SETX: variants seen among roughly 807,000 people sequenced by gnomAD.
SETX encodes the protein helicase senataxin.
Under a neutral mutation model 227.2 loss-of-function variants are expected in SETX, and 90 were observed. The ratio of observed to expected loss-of-function variants is 0.40; its 90% CI spans 0.33 to 0.47. SETX has a LOEUF of 0.47. SETX is among the 20% of genes least tolerant of loss of function. The probability of loss-of-function intolerance (pLI) is 0.91; values close to 1 mark genes in which losing one functional copy is unlikely to be tolerated. For synonymous variants in SETX, 1,210 were observed against 1,113.2 expected, an observed-to-expected ratio of 1.09 and a Z score of -1.73; for missense variants, 3,052 against 3,181.5, an observed-to-expected ratio of 0.96 and a Z score of 0.98.
rs1255555817 is a variant in SETX, at chr9:132,327,974, G to A, written c.3624C>T (p.Pro1208=). 6.2e-7 allele frequency: 1 copy of A among 1,613,860 alleles called. No individual in the cohort carries two copies. Among genetic ancestry groups the A allele is most frequent in the African/African-American group, 1.3e-5 (1 of 74,976 alleles). Residue 1208 remains proline, a synonymous_variant, in exon 10 of 26, where the codon CCC becomes CCT. Coordinates refer to ENST00000224140, the MANE Select transcript of SETX (RefSeq NM_015046.7). The part of the protein sequence containing the change: ...FKSIDRRTST[P]NSRIQRATTV... ...TAGTGGCTCTCTGAATACGTGAATTGGGAGTTGAAGTCCTTCTATCAATAC... is the reference window on the plus strand; with the variant it reads ...TAGTGGCTCTCTGAATACGTGAATTAGGAGTTGAAGTCCTTCTATCAATAC...
At chr9:132,325,934 A>G (rs1846716753) in intron 10 of SETX, among the ~76,000 whole-genome samples, 1 of 113,402 alleles carries the variant, frequency 8.8e-6, no homozygotes, top group South Asian at 3.1e-4. Context: ...ACTCCACCTA[A>G]AAAAAAAAAA....
intron 10 of SETX, among the ~76,000 whole-genome samples, chr9:132,318,327 T>C (rs1846116466): frequency 6.6e-6 from 1 of 152,212 alleles, no homozygotes; most frequent in South Asian, 2.1e-4. Context: ...TAATTTTGCT[T>C]TACCTGCTCC....
chr9:132,265,463 G>A (rs1842598868), intron 25 of SETX, among the ~76,000 whole-genome samples: 1 of 152,002 alleles, frequency 6.6e-6, no homozygotes, highest in Non-Finnish European at 1.5e-5. Context: ...CTGACCTCAT[G>A]ATCCGCCCGC....
chr9:132,278,153 C>T lies in SETX; in HGVS notation c.6759G>A (p.Gln2253=). The T allele has an allele frequency of 6.2e-7, 1 of 1,614,150 alleles. No individual in the cohort carries two copies. The highest frequency in any genetic ancestry group is 1.1e-5 in the South Asian group (1 of 91,082). The change falls in exon 21 of 26, where the codon CAG becomes CAA. Residue 2253 remains glutamine, a synonymous_variant. Transcript: ENST00000224140. ...HNMISRLPIL[Q]LTVQYRMHPD... ...GATGCATCCTGTACTGAACAGTGAG[C>T]TGTAGAATGGGCAGCCTGCTGATCA... is the stretch of plus-strand genomic sequence containing the variant.
chr9:132,326,554 A>T lies in SETX; in HGVS notation c.5044T>A (p.Phe1682Ile). ...CKVPFGESKYFPSSSPVNILL... is the reference protein window; with the variant it reads ...CKVPFGESKYIPSSSPVNILL... ...ATGTTTACTGGAGAGGAAGATGGAA[A>T]ATATTTGCTTTCACCAAATGGAACT... Residue 1682 changes from phenylalanine to isoleucine, a missense_variant, in exon 10 of 26, where the codon TTT (phenylalanine) becomes ATT (isoleucine). Physicochemically the swap from Phe to Ile is conservative, Grantham distance 21. Transcript: ENST00000224140. The T allele has an allele frequency of 6.2e-7, 1 of 1,614,222 alleles. No individual in the cohort carries two copies. The highest frequency in any genetic ancestry group is 8.5e-7 in the Non-Finnish European group (1 of 1,180,042).
chr9:132,298,795 G>C (rs1003337963), intron 12 of SETX, among the ~76,000 whole-genome samples: 2 of 152,116 alleles, frequency 1.3e-5, no homozygotes, highest in African/African-American at 2.4e-5. Flanking sequence ...ATAGGGAGAA[G>C]AACGCTTAGC....
chr9:132,302,682 A>AAAC (rs1845080944), intron 11 of SETX, among the ~76,000 whole-genome samples: 1 of 62,606 alleles, frequency 1.6e-5, no homozygotes, highest in Non-Finnish European at 2.5e-5. Context: ...AAAAAAAAGC[A>AAAC]AAAAAAAAAA....
At chr9:132,271,618 T>G in intron 24 of SETX, 92 bp downstream of exon 24, 3 of 1,031,892 alleles carry the variant, frequency 2.9e-6, no homozygotes, top group Middle Eastern at 2.0e-4. Context: ...AAGCAAATGG[T>G]GTTCTCTAAC....
chr9:132,299,390 T>C (rs529262498), intron 12 of SETX, among the ~76,000 whole-genome samples: 1 of 146,858 alleles, frequency 6.8e-6, no homozygotes, highest in African/African-American at 2.5e-5. Flanking sequence ...GAACTATAAA[T>C]TTGGCAAAGG....
intron 7 of SETX, among the ~76,000 whole-genome samples, chr9:132,333,906 T>C (rs559466463): frequency 2.0e-5 from 3 of 152,316 alleles, no homozygotes; most frequent in East Asian, 1.9e-4. Flanking sequence ...TTAATTTTAA[T>C]TGACTTAAAT....
rs991200866 is a variant in SETX at position 132,326,836 on chromosome 9, C to T, written c.4762G>A (p.Ala1588Thr). 3 of 1,614,192 alleles carry T rather than the reference C, an allele frequency of 1.9e-6. No individual in the cohort carries two copies. Among genetic ancestry groups the T allele is most frequent in the East Asian group, 2.2e-5 (1 of 44,888 alleles). The change falls in exon 10 of 26, where the codon GCA (alanine) becomes ACA (threonine). Residue 1588 changes from alanine to threonine, a missense_variant. By Grantham distance (58) the Ala-to-Thr change is moderately conservative. This residue lies in a region of SETX where 1,483 missense variants were observed against 1,312.0 expected (regional missense o/e 1.13). Transcript: ENST00000224140. ...GTGGTAGGTCTCAAAGGTTTAGATG[C>T]AGGAGGAGGCAAGCCAGGTTTACGA... Reference protein sequence around the residue: ...VFRKPGLPPPASKPLRPTTKI... With the variant: ...VFRKPGLPPPTSKPLRPTTKI...
chr9:132,300,824 G>T, intron 11 of SETX, 21 bp from the exon 12 acceptor site: 1 of 1,601,624 alleles, frequency 6.2e-7, no homozygotes, highest in South Asian at 1.1e-5. Flanking sequence ...AGAAGAAGTC[G>T]GAATTCATAT....
intron 4 of SETX, among the ~76,000 whole-genome samples, chr9:132,343,317 C>T (rs1311000995): frequency 1.3e-5 from 2 of 152,080 alleles, no homozygotes; most frequent in Non-Finnish European, 2.9e-5. Context: ...AAAACTCCAT[C>T]TCAAAACAAC....
chr9:132,351,407 A>G (rs1417444971), intron 2 of SETX, among the ~76,000 whole-genome samples: 1 of 152,260 alleles, frequency 6.6e-6, no homozygotes, highest in Non-Finnish European at 1.5e-5. Flanking sequence ...CAAAGGAGAC[A>G]ACAAAAGAAA....
At chr9:132,286,337 A>T in intron 18 of SETX, 86 bp downstream of exon 18, 1 of 956,692 alleles carries the variant, frequency 1.0e-6, no homozygotes, top group South Asian at 1.4e-5. Flanking sequence ...AATAAATAAA[A>T]GCCCATAGCT....
In SETX at chr9:132,329,210, CTTT is replaced by C. The variant is rs755971927; in HGVS notation, c.2385_2387del (p.Ile795_Lys796delinsMet). The C allele has an allele frequency of 3.3e-5, 54 of 1,613,608 alleles. No homozygotes were observed. Among genetic ancestry groups the C allele is most frequent in the South Asian group, 2.2e-4 (20 of 91,060 alleles). On this transcript the variant is annotated inframe_deletion, in exon 10 of 26. Coordinates refer to ENST00000224140, the MANE Select transcript of SETX (RefSeq NM_015046.7). ...CCAAAGTACTCTTCCTGTGTTGCTT[CTTT>C]ATTACATGTGATAACTTTGCACAGA...
At chr9:132,282,049 G>A (rs1446420952) in intron 19 of SETX, among the ~76,000 whole-genome samples, 1 of 142,744 alleles carries the variant, frequency 7.0e-6, no homozygotes, top group Non-Finnish European at 1.5e-5. Flanking sequence ...GCAAGACTCC[G>A]TCTCAAAAAA....
In SETX at chr9:132,283,214, C is replaced by T. The variant is rs185813089; in HGVS notation, c.6546+50G>A. 4.4e-6 allele frequency: 7 copies of T among 1,604,596 alleles called. No individual in the cohort carries two copies. The East Asian group carries it at 1.6e-4, about 36-fold the overall frequency. Reference sequence around the variant, plus strand: ...TTCAGCAGCCACAATTCATCTAAGACTTACTCCTCATAGTAGTAGTCAAAG... The same window carrying T: ...TTCAGCAGCCACAATTCATCTAAGATTTACTCCTCATAGTAGTAGTCAAAG... On this transcript the variant is annotated intron_variant, in intron 19 of 25. Coordinates refer to ENST00000224140, the MANE Select transcript of SETX (RefSeq NM_015046.7).
At chr9:132,272,893 C>A (rs1171523338) in intron 23 of SETX, among the ~76,000 whole-genome samples, 1 of 152,074 alleles carries the variant, frequency 6.6e-6, no homozygotes, top group Non-Finnish European at 1.5e-5. Context: ...TGGCAGCGCT[C>A]CCCAAATTGA....
Sources: gnomAD v4.1 joint callset for allele counts (sites outside exome capture counted in the v4.1 genomes callset) on GRCh38, gnomAD v4.1.1 for gene constraint, gnomAD v4.1.1 regional missense constraint, MANE v1.5 for transcripts, NCBI Gene and HGNC (gene_info 2026-07-23, HGNC 2026-07-21) for gene names.